CD47: variants seen among roughly 807,000 people sequenced by gnomAD.
CD47 encodes CD47 molecule, also known as leukocyte surface antigen CD47.
A neutral mutation model predicts 44.6 loss-of-function variants in CD47; 11 were observed. That is an observed-to-expected ratio of 0.25 (90% confidence interval 0.16 to 0.41). The LOEUF (loss-of-function observed/expected upper bound fraction) is 0.41. CD47 is among the 10% of genes least tolerant of loss of function. The pLI, the probability that CD47 is intolerant of heterozygous loss-of-function variation, is 1.00. For missense variants in CD47, 306 were observed against 386.7 expected (o/e 0.79, Z 1.75); for synonymous variants, 140 against 136.3 (o/e 1.03, Z -0.19).
intron 3 of CD47, among the ~76,000 whole-genome samples, chr3:108,061,433 T>C (rs765932347): frequency 2.8e-4 from 43 of 152,144 alleles, no homozygotes; most frequent in Non-Finnish European, 5.0e-4. Flanking sequence ...AATCTAGTTA[T>C]TTTGTTTTGA....
At chr3:108,068,072 G>A (rs188796990) in intron 3 of CD47, among the ~76,000 whole-genome samples, 6 of 152,270 alleles carry the variant, frequency 3.9e-5, no homozygotes, top group Non-Finnish European at 7.4e-5. Flanking sequence ...ATCAGGAAAA[G>A]TTAAGCAGAA....
At position 108,060,850 on chromosome 3, in the gene CD47, G is replaced by A; in HGVS notation, c.493C>T (p.Leu165Phe). 1.2e-6 allele frequency: 2 copies of A among 1,602,090 alleles called. No individual in the cohort carries two copies. The highest frequency in any genetic ancestry group is 8.5e-7 in the Non-Finnish European group (1 of 1,170,034). Residue 165 changes from leucine to phenylalanine, a missense_variant and splice_region_variant, in exon 4 of 11, where the codon CTT (leucine) becomes TTT (phenylalanine). This residue lies in a region of CD47 where 65 missense variants were observed against 119.9 expected (regional missense o/e 0.54). Transcript: ENST00000361309. Reference sequence around the variant, plus strand: ...TCCATACCACCGGATCTATATTTAAGTGCTTAAAAAAGAAAAACAAAGAAT... The same window carrying A: ...TCCATACCACCGGATCTATATTTAAATGCTTAAAAAAGAAAAACAAAGAAT... Reference protein sequence around the residue: ...LFWGQFGIKTLKYRSGGMDEK... With the variant: ...LFWGQFGIKTFKYRSGGMDEK...
Position 108,059,502 on chromosome 3 carries a change from A to G in CD47, c.641T>C (p.Val214Ala). The change falls in exon 5 of 11, where the codon GTG (valine) becomes GCG (alanine). Residue 214 changes from valine (V) to alanine (A), a missense_variant. By Grantham distance (64) the Val-to-Ala change is moderately conservative. Transcript: ENST00000361309. ...TAATATTAATATCCCTGTAGAAGTC[A>G]CAATTAAACCAAGGCCAGTAGCATT... is the stretch of plus-strand genomic sequence containing the variant. ...LKNATGLGLI[V>A]TSTGILILLH... 1 of 1,529,576 alleles carries G rather than the reference A, an allele frequency of 6.5e-7. No individual in the cohort carries two copies. Among genetic ancestry groups the G allele is most frequent in the Non-Finnish European group, 8.8e-7 (1 of 1,131,424 alleles). 94.8% of individuals were successfully genotyped at this position (1,529,576 alleles called of 1,614,324 possible).
chr3:108,065,115 C>T (rs1398705803), intron 3 of CD47, among the ~76,000 whole-genome samples: 5 of 152,188 alleles, frequency 3.3e-5, no homozygotes, highest in Non-Finnish European at 5.9e-5. Context: ...AATCTCCATA[C>T]ACTATCCAAC....
intron 6 of CD47, among the ~76,000 whole-genome samples, chr3:108,057,831 AT>A (rs1403386600): frequency 6.6e-6 from 1 of 152,178 alleles, no homozygotes; most frequent in Non-Finnish European, 1.5e-5. Flanking sequence ...GAGCCCAGTT[AT>A]TTTAAAAGCT....
chr3:108,074,712 G>A (rs1254250755), intron 2 of CD47, among the ~76,000 whole-genome samples: 1 of 4,768 alleles, frequency 2.1e-4, no homozygotes. Flanking sequence ...TGGGGCGGGT[G>A]GGGGGGGGGG....
rs2078732074 is a variant in CD47 at position 108,047,060 on chromosome 3, C to T, written c.*228G>A. ...TAAAAATAACAACAAAAAACTGGATCTCAATTGGGCAAACAACATAGATCA... is the reference window on the plus strand; with the variant it reads ...TAAAAATAACAACAAAAAACTGGATTTCAATTGGGCAAACAACATAGATCA... On this transcript the variant is annotated 3_prime_UTR_variant, in exon 11 of 11. Transcript: ENST00000361309. The T allele has an allele frequency of 4.7e-6, 2 of 423,216 alleles. No individual in the cohort carries two copies. The highest frequency in any genetic ancestry group is 4.1e-5 in the African/African-American group (2 of 48,802). 26.2% of individuals were successfully genotyped at this position (423,216 alleles called of 1,614,324 possible). A position where few individuals can be genotyped will look rare whatever the true frequency, so the allele number is the denominator to read the frequency against.
intron 3 of CD47, among the ~76,000 whole-genome samples, chr3:108,067,725 A>G (rs1371633456): frequency 6.6e-6 from 1 of 152,212 alleles, no homozygotes; most frequent in Non-Finnish European, 1.5e-5. Flanking sequence ...GCTAAAGGTG[A>G]AGGTATTTAG....
chr3:108,079,894 G>C, intron 2 of CD47, 97 bp downstream of exon 2: 1 of 697,830 alleles, frequency 1.4e-6, no homozygotes, highest in Non-Finnish European at 2.5e-6. Flanking sequence ...CCTGCTTTTT[G>C]ATTCAAAGGA....
chr3:108,085,286 T>C (rs1271436872), intron 1 of CD47, among the ~76,000 whole-genome samples: 2 of 152,080 alleles, frequency 1.3e-5, no homozygotes, highest in African/African-American at 4.8e-5. Flanking sequence ...AGTGCACACA[T>C]TAAGGGGTCG....
chr3:108,079,424 C>G (rs183637069), intron 2 of CD47, among the ~76,000 whole-genome samples: 14 of 151,496 alleles, frequency 9.2e-5, no homozygotes, highest in Non-Finnish European at 1.8e-4. Flanking sequence ...TTTTGGCCAA[C>G]AAAAAGAAGA....
At chr3:108,049,769 A>G in intron 9 of CD47, 118 bp from the exon 10 acceptor site, 1 of 721,202 alleles carries the variant, frequency 1.4e-6, no homozygotes, top group South Asian at 1.5e-5. Context: ...AGCCAAATTA[A>G]TTGTAAAGCT....
At chr3:108,057,878 G>C (rs1364206037) in intron 6 of CD47, among the ~76,000 whole-genome samples, 2 of 152,130 alleles carry the variant, frequency 1.3e-5, no homozygotes, top group East Asian at 3.8e-4. Flanking sequence ...TTGGGTGCTA[G>C]AACAATCAGC....
At position 108,046,103 on chromosome 3, in the gene CD47, C is replaced by T. The variant is rs1359557849; in HGVS notation, c.*1185G>A. ...TCACAACTGTCAGAACATTAATTTTCTTCTAACCAGGATAGGAAATGTGGG... is the reference window on the plus strand; with the variant it reads ...TCACAACTGTCAGAACATTAATTTTTTTCTAACCAGGATAGGAAATGTGGG... On this transcript the variant is annotated 3_prime_UTR_variant, in exon 11 of 11. Transcript: ENST00000361309. 6.6e-6 allele frequency: 1 copy of T among 152,396 alleles called. No homozygotes were observed. Among genetic ancestry groups the T allele is most frequent in the Non-Finnish European group, 1.5e-5 (1 of 68,036 alleles). 9.4% of individuals were successfully genotyped at this position (152,396 alleles called of 1,614,324 possible). A position where few individuals can be genotyped will look rare whatever the true frequency, so the allele number is the denominator to read the frequency against.
intron 6 of CD47, 94 bp downstream of exon 6, chr3:108,058,243 A>T: frequency 2.9e-6 from 2 of 698,150 alleles, no homozygotes; most frequent in Non-Finnish European, 2.3e-6. Flanking sequence ...AATCAAGTCT[A>T]TATATTTTTA....
At chr3:108,049,517 G>A (rs1420042632) in intron 10 of CD47, 102 bp downstream of exon 10, 6 of 745,406 alleles carry the variant, frequency 8.0e-6, no homozygotes, top group African/African-American at 1.7e-5. Context: ...ATCTGACAGT[G>A]TCCCTTTTAC....
chr3:108,048,371 G>GTTTTT (rs146476512), intron 10 of CD47, among the ~76,000 whole-genome samples: 19 of 79,598 alleles, frequency 2.4e-4, no homozygotes, highest in East Asian at 5.0e-4. Context: ...TGACTGGAGT[G>GTTTTT]TTTTTTTTTT....
rs535136115 is a variant in CD47 at position 108,044,801 on chromosome 3, T to C, written c.*2487A>G. The C allele has an allele frequency of 6.6e-6, 1 of 152,420 alleles. No individual in the cohort carries two copies. Among genetic ancestry groups the C allele is most frequent in the Non-Finnish European group, 1.5e-5 (1 of 68,038 alleles). The allele number at this position is 152,420 out of a possible 1,614,324, so 9.4% of individuals were successfully genotyped here. A position where few individuals can be genotyped will look rare whatever the true frequency, so the allele number is the denominator to read the frequency against. On this transcript the variant is annotated 3_prime_UTR_variant, in exon 11 of 11. Transcript: ENST00000361309. ...AATTTGGCAAAAGTAGCTGGAAAGG[T>C]TGTTGCAGAAAAGGACAAATGGTGT...
In CD47 at chr3:108,043,357, T is replaced by A. The variant is rs1576977338; in HGVS notation, c.*3931A>T. On this transcript the variant is annotated 3_prime_UTR_variant, in exon 11 of 11. Coordinates refer to ENST00000361309, the MANE Select transcript of CD47 (RefSeq NM_001777.4). ...TTACAGGGTAATATTTACAAAGTTATGTTTTTTTTTAAATAAAAAAGTACC... is the reference window on the plus strand; with the variant it reads ...TTACAGGGTAATATTTACAAAGTTAAGTTTTTTTTTAAATAAAAAAGTACC... 1 of 152,356 alleles carries A rather than the reference T, an allele frequency of 6.6e-6. No homozygotes were observed. The highest frequency in any genetic ancestry group is 6.5e-5 in the Admixed American group (1 of 15,284). The allele number at this position is 152,356 out of a possible 1,614,324, so 9.4% of individuals were successfully genotyped here.
Sources: allele counts gnomAD v4.1 joint callset (sites outside exome capture counted in the v4.1 genomes callset), GRCh38; gene constraint gnomAD v4.1.1; regional missense constraint gnomAD v4.1.1; transcripts MANE v1.5; gene names NCBI Gene and HGNC (gene_info 2026-07-23, HGNC 2026-07-21).